SOX5: variants seen among roughly 807,000 people sequenced by gnomAD.
SOX5 encodes the protein SRY-box transcription factor 5, also known as transcription factor SOX-5.
SOX5 carries 9 observed loss-of-function variants against 92.0 expected under a neutral mutation model. The ratio of observed to expected loss-of-function variants is 0.10; its 90% CI spans 0.06 to 0.17. The LOEUF is 0.17. SOX5 is among the 10% of genes least tolerant of loss of function. The probability of loss-of-function intolerance (pLI) is 1.00; values close to 1 mark genes in which losing one functional copy is unlikely to be tolerated. For synonymous variants in SOX5, 344 were observed against 336.3 expected (o/e 1.02, Z -0.25); for missense variants, 642 against 944.5 (o/e 0.68, Z 4.20).
chr12:24,223,780 AAAC>A (rs1310405063), intron 3 of SOX5, among the ~76,000 whole-genome samples: 4 of 151,912 alleles, frequency 2.6e-5, no homozygotes, highest in Admixed American at 6.6e-5. Context: ...CAAAAACAAA[AAAC>A]AACAAACAAA....
At chr12:23,711,131 A>G (rs997054435) in intron 6 of SOX5, among the ~76,000 whole-genome samples, 12 of 152,206 alleles carry the variant, frequency 7.9e-5, no homozygotes, top group African/African-American at 2.9e-4. Context: ...CTTATTTTCA[A>G]AAAGAGTCTA....
chr12:23,944,944 T>A (rs539362386), intron 1 of SOX5, among the ~76,000 whole-genome samples: 1 of 152,124 alleles, frequency 6.6e-6, no homozygotes. Context: ...GATAACCCCA[T>A]TGAAATTATA....
rs766182817 is a variant in SOX5 at position 24,226,874 on chromosome 12, GAATGAATGAATA to G, written c.-76-13469_-76-13458del. Among the ~76,000 whole-genome samples the G allele has an allele frequency of 4.5e-3, 557 of 122,966 alleles. 3 individuals are homozygous for G. Among genetic ancestry groups the G allele is most frequent in the Middle Eastern group, 8.4e-3 (2 of 238 alleles). 80.7% of individuals were successfully genotyped at this position (122,966 alleles called of 152,430 possible). On this transcript the variant is annotated intron_variant, in intron 3 of 4. Coordinates refer to the SOX5 transcript ENST00000446891. ...TGATTGAATGAATGAATGAATGAAT[GAATGAATGAATA>G]AATCTACTGGATCCAACAGCAGTCT...
intron 3 of SOX5, among the ~76,000 whole-genome samples, chr12:23,765,385 CAAAAAAA>C (rs373571301): frequency 9.5e-5 from 3 of 31,432 alleles, no homozygotes; most frequent in African/African-American, 4.4e-4. Flanking sequence ...TGTAAAACAG[CAAAAAAA>C]AAAAAAAAAA....
chr12:23,802,419 T>G (rs2095677782), intron 3 of SOX5, among the ~76,000 whole-genome samples: 1 of 152,054 alleles, frequency 6.6e-6, no homozygotes, highest in African/African-American at 2.4e-5. Context: ...CAACTCAAAG[T>G]TTTATAAGAC....
intron 3 of SOX5, among the ~76,000 whole-genome samples, chr12:24,271,150 C>T (rs1206344303): frequency 6.6e-6 from 1 of 152,198 alleles, no homozygotes; most frequent in Non-Finnish European, 1.5e-5. Flanking sequence ...ATGAGTGTTG[C>T]TATTGCTCTC....
chr12:24,378,063 G>T (rs975534937), intron 1 of SOX5, among the ~76,000 whole-genome samples: 27 of 152,342 alleles, frequency 1.8e-4, no homozygotes, highest in African/African-American at 6.3e-4. Flanking sequence ...GGGGACTAGA[G>T]ATGCAGAAAT....
At chr12:24,014,319 C>A (rs888828946) in intron 4 of SOX5, among the ~76,000 whole-genome samples, 1 of 152,158 alleles carries the variant, frequency 6.6e-6, no homozygotes, top group African/African-American at 2.4e-5. Flanking sequence ...TGACGGCATA[C>A]CAACCTGTGA....
At position 24,095,126 on chromosome 12, in the gene SOX5, CACAGAGAGAG is replaced by C. The variant is rs1396931797; in HGVS notation, c.-2+118207_-2+118216del. ...ACACACACACACACACACACACACA[CACAGAGAGAG>C]AGAGAGAGAGAGAGAGAGAGACAGA... is the stretch of plus-strand genomic sequence containing the variant. On this transcript the variant is annotated intron_variant, in intron 4 of 4. Transcript: ENST00000446891. Among the ~76,000 whole-genome samples, 634 of 90,182 alleles carry C rather than the reference CACAGAGAGAG, an allele frequency of 7.0e-3. 6 individuals are homozygous for C. Among genetic ancestry groups the C allele is most frequent in the African/African-American group, 0.014 (333 of 23,378 alleles). 59.2% of individuals were successfully genotyped at this position (90,182 alleles called of 152,430 possible). A position where few individuals can be genotyped will look rare whatever the true frequency, so the allele number is the denominator to read the frequency against.
At chr12:23,568,816 G>T (rs1333175153) in intron 10 of SOX5, among the ~76,000 whole-genome samples, 1 of 149,240 alleles carries the variant, frequency 6.7e-6, no homozygotes, top group African/African-American at 2.5e-5. Context: ...CTCCTAACTG[G>T]TTTTCCTATC....
intron 4 of SOX5, among the ~76,000 whole-genome samples, chr12:23,982,262 A>G (rs1217307069): frequency 6.6e-6 from 1 of 152,166 alleles, no homozygotes; most frequent in Non-Finnish European, 1.5e-5. Flanking sequence ...CAGAATTTTC[A>G]CCCTCACCAG....
At chr12:23,888,564 T>C (rs909918316) in intron 2 of SOX5, among the ~76,000 whole-genome samples, 1 of 152,184 alleles carries the variant, frequency 6.6e-6, no homozygotes, top group Non-Finnish European at 1.5e-5. Flanking sequence ...CACCACTGGA[T>C]TGAATGGAAT....
chr12:23,890,386 T>G (rs964788936), intron 2 of SOX5, among the ~76,000 whole-genome samples: 40 of 152,034 alleles, frequency 2.6e-4, no homozygotes, highest in African/African-American at 9.4e-4. Context: ...AAAAGAGAAT[T>G]TGGCTAAGAT....
At chr12:23,986,209 A>G (rs1298991164) in intron 4 of SOX5, among the ~76,000 whole-genome samples, 1 of 152,130 alleles carries the variant, frequency 6.6e-6, no homozygotes, top group East Asian at 1.9e-4. Flanking sequence ...GTAAGCAATA[A>G]ATCTATCTTT....
At chr12:23,958,530 G>C (rs539865585) in intron 4 of SOX5, among the ~76,000 whole-genome samples, 6 of 151,758 alleles carry the variant, frequency 4.0e-5, no homozygotes, top group South Asian at 2.1e-4. Flanking sequence ...AAAAATACAA[G>C]GACAAAAATT....
At chr12:24,459,621 TAAAG>T in intron 1 of SOX5, among the ~76,000 whole-genome samples, 1 of 152,212 alleles carries the variant, frequency 6.6e-6, no homozygotes, top group East Asian at 1.9e-4. Context: ...GGGAAGGGAA[TAAAG>T]AAAGAAACCG....
At chr12:24,238,815 C>T (rs953855522) in intron 3 of SOX5, among the ~76,000 whole-genome samples, 7 of 152,296 alleles carry the variant, frequency 4.6e-5, no homozygotes, top group African/African-American at 1.7e-4. Flanking sequence ...AACCTAATTC[C>T]CATTTTGCAC....
chr12:24,266,134 G>A (rs191026345), intron 3 of SOX5, among the ~76,000 whole-genome samples: 2 of 149,386 alleles, frequency 1.3e-5, no homozygotes, highest in East Asian at 2.0e-4. Context: ...GGCTGGTTTC[G>A]AACTCCTGGA....
chr12:23,562,728 G>A (rs756784572), intron 11 of SOX5, among the ~76,000 whole-genome samples: 12 of 152,086 alleles, frequency 7.9e-5, no homozygotes, highest in Non-Finnish European at 1.3e-4. Flanking sequence ...TACAAATAAC[G>A]TCAAAGTTTT....
Sources: allele counts gnomAD v4.1 joint callset (sites outside exome capture counted in the v4.1 genomes callset), GRCh38; gene constraint gnomAD v4.1.1; transcripts MANE v1.5; gene names NCBI Gene and HGNC (gene_info 2026-07-23, HGNC 2026-07-21).